Variants in PTPN14 observed in about 807,000 individuals in gnomAD.
PTPN14 encodes the protein tyrosine-protein phosphatase non-receptor type 14.
In PTPN14, 53 loss-of-function variants were observed where a neutral mutation model predicts 126.8. The observed-to-expected ratio is 0.42, with a 90% CI of 0.34 to 0.53. The LOEUF is 0.53. Among genes scored for constraint, PTPN14 ranks in the 20% least tolerant of loss-of-function variants. PTPN14 has a pLI of 0.08. For synonymous variants in PTPN14, 630 were observed against 599.3 expected (o/e 1.05, Z -0.75); for missense variants, 1,257 against 1,552.9 (o/e 0.81, Z 3.20).
At chr1:214,435,956 C>A (rs1201527927) in intron 3 of PTPN14, among the ~76,000 whole-genome samples, 2 of 152,170 alleles carry the variant, frequency 1.3e-5, no homozygotes, top group East Asian at 3.8e-4. Flanking sequence ...ACGTTCACTG[C>A]AGCACCATTC....
intron 3 of PTPN14, among the ~76,000 whole-genome samples, chr1:214,427,216 T>G (rs1265500642): frequency 6.9e-6 from 1 of 144,026 alleles, no homozygotes; most frequent in African/African-American, 2.6e-5. Context: ...AGTTGGAGTT[T>G]GCAGTGAGCC....
chr1:214,517,413 A>G (rs1460277205), intron 1 of PTPN14, among the ~76,000 whole-genome samples: 2 of 152,206 alleles, frequency 1.3e-5, no homozygotes, highest in Non-Finnish European at 2.9e-5. Context: ...ACTCAAGACA[A>G]AGTGCACATT....
Position 214,366,068 on chromosome 1 carries a change from C to T in PTPN14, c.3272-1393G>A, listed in dbSNP as rs373672680. 1.7e-3 allele frequency among the ~76,000 whole-genome samples: 262 copies of T among 152,236 alleles called. 11 individuals carry two copies. In the South Asian group the frequency reaches 0.05, roughly 29 times the overall value. ...TAATCCCAGCTAGTAATTCCAGCTA[C>T]TCAGGAGGCTGAGACAGGAGAATTG... On this transcript the variant is annotated intron_variant, in intron 17 of 18. Transcript: ENST00000366956.
rs1259757332 is a variant in PTPN14 at position 214,364,993 on chromosome 1, C to G, written c.3272-318G>C. Among the ~76,000 whole-genome samples the G allele has an allele frequency of 1.3e-5, 2 of 151,878 alleles. No individual in the cohort carries two copies. On this transcript the variant is annotated intron_variant, in intron 17 of 18. Coordinates refer to ENST00000366956, the MANE Select transcript of PTPN14 (RefSeq NM_005401.5). This position sits in a 1 kb window ranked among gnomAD's most constrained non-coding sequence, Gnocchi z 4.1. ...TTCCCCTCTGCAAATCCCTAAGTCC[C>G]TCAAGCAGATGATTCTAGACATTAC...
intron 1 of PTPN14, among the ~76,000 whole-genome samples, chr1:214,488,463 A>C (rs1263483101): frequency 1.3e-5 from 2 of 152,178 alleles, no homozygotes; most frequent in Non-Finnish European, 2.9e-5. Flanking sequence ...AAAATCACTA[A>C]AGCATCTAAG....
Position 214,359,217 on chromosome 1 carries a change from C to CT in PTPN14, c.3436-1168dup, listed in dbSNP as rs1055472030. ...GCCTTCAACTGAGAACACTTTTTTT[C>CT]TTTTTTTTTTTTTTGAGACGGAGTC... On this transcript the variant is annotated intron_variant, in intron 18 of 18. Coordinates refer to ENST00000366956, the MANE Select transcript of PTPN14 (RefSeq NM_005401.5). 2.1e-3 allele frequency among the ~76,000 whole-genome samples: 296 copies of CT among 141,068 alleles called. 1 individual carries two copies. Among genetic ancestry groups the CT allele is most frequent in the Non-Finnish European group, 2.2e-3 (144 of 64,146 alleles). 92.5% of individuals were successfully genotyped at this position (141,068 alleles called of 152,430 possible).
At chr1:214,393,605 G>A in intron 10 of PTPN14, 90 bp downstream of exon 10, 1 of 1,043,308 alleles carries the variant, frequency 9.6e-7, no homozygotes, top group Non-Finnish European at 1.4e-6. Context: ...GAAAAAGAGT[G>A]AATAGGAAAA....
chr1:214,358,917 T>C (rs925956162), intron 18 of PTPN14, among the ~76,000 whole-genome samples: 1 of 151,354 alleles, frequency 6.6e-6, no homozygotes, highest in Non-Finnish European at 1.5e-5. Context: ...TAATTTTTTG[T>C]ATTTTTAGTA....
At chr1:214,495,204 A>G (rs1661332730) in intron 1 of PTPN14, among the ~76,000 whole-genome samples, 1 of 152,250 alleles carries the variant, frequency 6.6e-6, no homozygotes, top group Non-Finnish European at 1.5e-5. Context: ...AATCTTTGGC[A>G]TACTATTTAA....
rs1180447729 is a variant in PTPN14 at position 214,355,108 on chromosome 1, A to T, written c.*2814T>A. On this transcript the variant is annotated 3_prime_UTR_variant, in exon 19 of 19. Coordinates refer to ENST00000366956, the MANE Select transcript of PTPN14 (RefSeq NM_005401.5). ...TTTTTAAAAGTGAAATATGTGGAAC[A>T]ACTCTTAAATGTTTTCTTTTGGGTT... 9.2e-5 allele frequency: 14 copies of T among 152,256 alleles called. No individual in the cohort carries two copies. The highest frequency in any genetic ancestry group is 2.1e-4 in the Non-Finnish European group (14 of 68,048). The allele number at this position is 152,256 out of a possible 1,614,324, so 9.4% of individuals were successfully genotyped here.
chr1:214,384,559 G>A lies in PTPN14; in HGVS notation c.1296C>T (p.Ser432=), dbSNP rs979638322. The change falls in exon 13 of 19, where the codon AGC becomes AGT. Residue 432 remains serine (S), a synonymous_variant. Transcript: ENST00000366956. The surrounding 1 kb of genome is among the most constrained non-coding windows in gnomAD (Gnocchi z 5.3). ...GCCTGTACGAGGGCACGATGATCGC[G>A]CTGTGCCGGTGGCTCGGGATGTAGT... ...RADYIPSHRH[S]AIIVPSYRPT... is the part of the protein sequence containing the mutation. The A allele has an allele frequency of 9.3e-6, 15 of 1,614,094 alleles. 1 individual carries two copies. The highest frequency in any genetic ancestry group is 6.7e-5 in the East Asian group (3 of 44,872).
intron 1 of PTPN14, among the ~76,000 whole-genome samples, chr1:214,470,844 T>C (rs1363792603): frequency 7.2e-6 from 1 of 138,720 alleles, no homozygotes; most frequent in East Asian, 2.1e-4. Context: ...CGAAACCCCA[T>C]CTCTACTAAA....
chr1:214,539,543 A>G (rs1464336717), intron 1 of PTPN14, among the ~76,000 whole-genome samples: 2 of 152,190 alleles, frequency 1.3e-5, no homozygotes, highest in East Asian at 3.8e-4. Context: ...TATCATACCC[A>G]AAAAGATATT....
intron 3 of PTPN14, among the ~76,000 whole-genome samples, chr1:214,429,837 T>G (rs1659757604): frequency 6.6e-6 from 1 of 152,248 alleles, no homozygotes; most frequent in Admixed American, 6.5e-5. Context: ...GGTAGATACA[T>G]TTTTTCAAAA....
At chr1:214,417,376 C>T (rs114817730) in intron 3 of PTPN14, among the ~76,000 whole-genome samples, 2,207 of 152,214 alleles carry the variant, frequency 0.014, 25 homozygotes, top group Non-Finnish European at 0.023. Flanking sequence ...AACTAACATG[C>T]TATGACCTAG....
intron 13 of PTPN14, among the ~76,000 whole-genome samples, chr1:214,381,394 G>T (rs1162862359): frequency 6.6e-6 from 1 of 152,188 alleles, no homozygotes; most frequent in Non-Finnish European, 1.5e-5. Context: ...TTTATTCCAT[G>T]CTGGGAAAGC....
At chr1:214,449,998 T>C (rs924512471) in intron 3 of PTPN14, among the ~76,000 whole-genome samples, 2 of 151,950 alleles carry the variant, frequency 1.3e-5, no homozygotes, top group South Asian at 2.1e-4. Context: ...CCAGGCTTGG[T>C]GGCACATGCC....
At chr1:214,469,650 A>G (rs1404676809) in intron 1 of PTPN14, among the ~76,000 whole-genome samples, 2 of 150,830 alleles carry the variant, frequency 1.3e-5, no homozygotes, top group Non-Finnish European at 3.0e-5. Flanking sequence ...CCCTCATTAT[A>G]TTTACTGTAA....
intron 1 of PTPN14, among the ~76,000 whole-genome samples, chr1:214,517,172 C>A (rs1033111135): frequency 1.3e-5 from 2 of 152,204 alleles, no homozygotes; most frequent in Non-Finnish European, 2.9e-5. Flanking sequence ...GCCAGCCCTG[C>A]ACAGCTACCT....
Sources: gnomAD v4.1 joint callset for allele counts (sites outside exome capture counted in the v4.1 genomes callset) on GRCh38, gnomAD v4.1.1 for gene constraint, Gnocchi (gnomAD v3.1) non-coding constraint, MANE v1.5 for transcripts, NCBI Gene and HGNC (gene_info 2026-07-23, HGNC 2026-07-21) for gene names.